Variants in SOX5 observed in about 807,000 individuals in gnomAD.
SOX5 encodes transcription factor SOX-5.
In SOX5, 9 loss-of-function variants were observed where a neutral mutation model predicts 92.0. The observed-to-expected ratio is 0.10, with a 90% CI of 0.06 to 0.17. The LOEUF is 0.17. Ranked by LOEUF, SOX5 falls within the 10% of genes least tolerant of loss-of-function variation. SOX5 has a pLI of 1.00. For missense variants in SOX5, 642 were observed against 944.5 expected, an observed-to-expected ratio of 0.68 and a Z score of 4.20; for synonymous variants, 344 against 336.3, an observed-to-expected ratio of 1.02 and a Z score of -0.25.
chr12:23,841,548 T>C (rs1372464171), intron 3 of SOX5, among the ~76,000 whole-genome samples: 1 of 152,136 alleles, frequency 6.6e-6, no homozygotes, highest in Non-Finnish European at 1.5e-5. Flanking sequence ...GCAACCAATA[T>C]GTGCTTTGAT....
At chr12:23,983,795 A>G (rs1191901387) in intron 4 of SOX5, among the ~76,000 whole-genome samples, 2 of 152,180 alleles carry the variant, frequency 1.3e-5, no homozygotes, top group Non-Finnish European at 2.9e-5. Flanking sequence ...CTAATTTATT[A>G]TTAGCCAAAT....
At chr12:24,295,844 T>A (rs942081971) in intron 2 of SOX5, among the ~76,000 whole-genome samples, 2 of 152,158 alleles carry the variant, frequency 1.3e-5, no homozygotes, top group African/African-American at 4.8e-5. Context: ...CTGGGTGGCA[T>A]GAGCCACCGC....
At chr12:24,036,799 C>A (rs1479143147) in intron 4 of SOX5, among the ~76,000 whole-genome samples, 1 of 152,128 alleles carries the variant, frequency 6.6e-6, no homozygotes, top group Admixed American at 6.6e-5. Flanking sequence ...ACAATATTCA[C>A]ATATTGGATA....
At chr12:24,322,288 A>G (rs1179619771) in intron 2 of SOX5, among the ~76,000 whole-genome samples, 1 of 152,188 alleles carries the variant, frequency 6.6e-6, no homozygotes, top group Non-Finnish European at 1.5e-5. Context: ...ATACACTATC[A>G]TTATTAGCAG....
chr12:24,307,515 A>AAGGAAGGAAGGAAGGC (rs1323785027), intron 2 of SOX5, among the ~76,000 whole-genome samples: 5 of 24,492 alleles, frequency 2.0e-4, no homozygotes, highest in African/African-American at 4.1e-4. Context: ...GGAAGGAAGG[A>AAGGAAGGAAGGAAGGC]AGGCCGGCCC....
intron 7 of SOX5, among the ~76,000 whole-genome samples, chr12:23,644,134 G>T (rs1592886838): frequency 6.6e-6 from 1 of 152,204 alleles, no homozygotes; most frequent in South Asian, 2.1e-4. Flanking sequence ...TATTTTGGCT[G>T]CCTTGGTTGC....
intron 1 of SOX5, among the ~76,000 whole-genome samples, chr12:24,443,447 A>G (rs1359644333): frequency 4.6e-5 from 7 of 152,252 alleles, no homozygotes; most frequent in Non-Finnish European, 1.0e-4. Context: ...ACCAGTCAAT[A>G]AACATAAACT....
chr12:24,018,962 T>C (rs75631288), intron 4 of SOX5, among the ~76,000 whole-genome samples: 20,137 of 152,188 alleles, frequency 0.13, 1,836 homozygotes, highest in Non-Finnish European at 0.2. Flanking sequence ...CAATATAACA[T>C]TGATCAATTT....
chr12:24,416,656 T>G (rs184492726), intron 1 of SOX5, among the ~76,000 whole-genome samples: 10 of 152,304 alleles, frequency 6.6e-5, no homozygotes, highest in Admixed American at 5.9e-4. Flanking sequence ...TCAAGAGGGC[T>G]GCTACTGAAA....
intron 10 of SOX5, among the ~76,000 whole-genome samples, chr12:23,570,932 T>A (rs4963702): frequency 0.074 from 602 of 8,190 alleles, 59 homozygotes; most frequent in East Asian, 0.25. Flanking sequence ...AAAAAAAAAA[T>A]ATATATATAT....
intron 1 of SOX5, among the ~76,000 whole-genome samples, chr12:23,925,596 T>G (rs552782137): frequency 6.6e-6 from 1 of 152,232 alleles, no homozygotes; most frequent in Admixed American, 6.5e-5. Flanking sequence ...GGAAAGTTAT[T>G]ACAGGGTTGT....
intron 3 of SOX5, among the ~76,000 whole-genome samples, chr12:23,832,970 A>C (rs2096354213): frequency 6.6e-6 from 1 of 152,030 alleles, no homozygotes; most frequent in Admixed American, 6.6e-5. Context: ...ATCACTTAGT[A>C]ATCAGTGACA....
intron 2 of SOX5, among the ~76,000 whole-genome samples, chr12:23,883,340 G>A (rs970047035): frequency 1.3e-5 from 2 of 152,106 alleles, no homozygotes; most frequent in Admixed American, 6.6e-5. Context: ...CACTTAAAAT[G>A]GGGAGTCAGG....
intron 3 of SOX5, 132 bp from the exon 4 acceptor site, chr12:23,755,856 T>C: frequency 5.4e-6 from 3 of 552,998 alleles, no homozygotes; most frequent in Non-Finnish European, 9.4e-6. Context: ...ATCAAAAAAC[T>C]GATAACAGGG....
At chr12:23,749,230 A>G (rs931233590) in intron 4 of SOX5, among the ~76,000 whole-genome samples, 1 of 151,912 alleles carries the variant, frequency 6.6e-6, no homozygotes, top group Admixed American at 6.6e-5. Flanking sequence ...ATTTAGCTAC[A>G]TATTCTTTAC....
chr12:23,755,211 G>A (rs1210720884), intron 4 of SOX5, among the ~76,000 whole-genome samples: 1 of 151,594 alleles, frequency 6.6e-6, no homozygotes, highest in Non-Finnish European at 1.5e-5. Context: ...CTTTTATTAT[G>A]CTCTCCCCTT....
At position 24,277,559 on chromosome 12, in the gene SOX5, A is replaced by C. The variant is rs907173766; in HGVS notation, c.-173-247T>G. On this transcript the variant is annotated intron_variant, in intron 2 of 4. Coordinates refer to the SOX5 transcript ENST00000446891. ...TTTATATGTATATAAATTTATATTT[A>C]TATATTAAATATATAAATATATATT... Among the ~76,000 whole-genome samples, 3 of 72,170 alleles carry C rather than the reference A, an allele frequency of 4.2e-5. No homozygotes were observed. The Admixed American group carries it at 4.4e-4, about 10-fold the overall frequency. The allele number at this position is 72,170 out of a possible 152,430, so 47.3% of individuals were successfully genotyped here. A position where few individuals can be genotyped will look rare whatever the true frequency, so the allele number is the denominator to read the frequency against.
intron 4 of SOX5, among the ~76,000 whole-genome samples, chr12:23,990,118 T>C (rs1485362834): frequency 1.3e-5 from 2 of 151,706 alleles, no homozygotes; most frequent in Non-Finnish European, 2.9e-5. Flanking sequence ...GGAAGGAAGA[T>C]AGGTTTTGAC....
chr12:24,314,496 C>T (rs1352779469), intron 2 of SOX5, among the ~76,000 whole-genome samples: 2 of 151,382 alleles, frequency 1.3e-5, no homozygotes, highest in Non-Finnish European at 2.9e-5. Flanking sequence ...GCACATGTAC[C>T]CTAAAACTTA....
Sources: gnomAD v4.1 joint callset for allele counts (sites outside exome capture counted in the v4.1 genomes callset) on GRCh38, gnomAD v4.1.1 for gene constraint, MANE v1.5 for transcripts, NCBI Gene and HGNC (gene_info 2026-07-23, HGNC 2026-07-21) for gene names.